The following NFATC3 variants were observed in gnomAD, a reference collection of about 807,000 sequenced individuals.
NFATC3 encodes the protein nuclear factor of activated T-cells, cytoplasmic 3.
NFATC3 carries 46 observed loss-of-function variants against 98.6 expected under a neutral mutation model. The ratio of observed to expected loss-of-function variants is 0.47; its 90% CI spans 0.37 to 0.60. The LOEUF is 0.60. Ranked by LOEUF, NFATC3 falls within the 20% of genes least tolerant of loss-of-function variation. The pLI is 0.00. For missense variants in NFATC3, 1,256 were observed against 1,295.5 expected (o/e 0.97, Z 0.47); for synonymous variants, 512 against 472.2 (o/e 1.08, Z -1.09).
At chr16:68,219,727 T>A (rs1421079511) in intron 9 of NFATC3, among the ~76,000 whole-genome samples, 1 of 152,040 alleles carries the variant, frequency 6.6e-6, no homozygotes, top group Non-Finnish European at 1.5e-5. Context: ...ATAAATGGAG[T>A]CTAAAAATAC....
At chr16:68,098,081 T>C (rs1483434943) in intron 1 of NFATC3, among the ~76,000 whole-genome samples, 1 of 152,090 alleles carries the variant, frequency 6.6e-6, no homozygotes, top group East Asian at 1.9e-4. Context: ...GTATGTATAG[T>C]ACAATTTATT....
chr16:68,174,017 T>C (rs1232747098), intron 5 of NFATC3, among the ~76,000 whole-genome samples: 2 of 151,964 alleles, frequency 1.3e-5, no homozygotes, highest in African/African-American at 2.4e-5. Context: ...CATGGTGTCA[T>C]GCATCTGTAA....
intron 6 of NFATC3, among the ~76,000 whole-genome samples, chr16:68,178,757 G>T (rs1366243889): frequency 6.6e-6 from 1 of 152,176 alleles, no homozygotes; most frequent in African/African-American, 2.4e-5. Context: ...AAATTCATCT[G>T]TGCATGAATA....
intron 9 of NFATC3, chr16:68,191,982 G>A: frequency 1.8e-6 from 1 of 541,070 alleles, no homozygotes; most frequent in African/African-American, 1.9e-5. Context: ...GCTGAGGCGG[G>A]TGGATCACAA....
intron 9 of NFATC3, among the ~76,000 whole-genome samples, chr16:68,203,005 A>G (rs1311301521): frequency 1.3e-5 from 2 of 152,164 alleles, no homozygotes; most frequent in Non-Finnish European, 2.9e-5. Context: ...TTTGGGAAGC[A>G]TACATGTACT....
rs1409429595 is a variant in NFATC3 at position 68,157,906 on chromosome 16, T to C, written c.1439T>C (p.Met480Thr). 1 of 1,613,646 alleles carries C rather than the reference T, an allele frequency of 6.2e-7. No homozygotes were observed. The change falls in exon 4 of 10, where the codon ATG (methionine) becomes ACG (threonine). Residue 480 changes from methionine (M) to threonine (T), a missense_variant. Physicochemically the swap from Met to Thr is moderately conservative, Grantham distance 81 (BLOSUM62 -1). Coordinates refer to ENST00000346183, the MANE Select transcript of NFATC3 (RefSeq NM_173165.3). ...AACGAAAAGCCAATAAATCTACAAA[T>C]GTTTATTGGGACAGCAGATGATCGA... ...GYNEKPINLQ[M>T]FIGTADDRYL...
intron 4 of NFATC3, among the ~76,000 whole-genome samples, 186 bp from the exon 5 acceptor site, chr16:68,166,657 A>G (rs551453390): frequency 6.6e-6 from 1 of 152,258 alleles, no homozygotes; most frequent in Non-Finnish European, 1.5e-5. Flanking sequence ...TTGCACTTTT[A>G]TCGTACAAAA....
chr16:68,107,675 A>G (rs1009551203), intron 1 of NFATC3, among the ~76,000 whole-genome samples: 5 of 152,142 alleles, frequency 3.3e-5, no homozygotes, highest in Non-Finnish European at 7.4e-5. Context: ...GTGAGCCGAG[A>G]TCATGCCACT....
chr16:68,229,111 T>G lies in NFATC3; in HGVS notation c.*2640T>G, dbSNP rs1183344449. ...TGGTTCTCAGTTATGTTTACAGCAC[T>G]TGGAATTGTGTGTTCTTGTACATTT... On this transcript the variant is annotated 3_prime_UTR_variant, in exon 10 of 10. Coordinates refer to ENST00000346183, the MANE Select transcript of NFATC3 (RefSeq NM_173165.3). 6.6e-6 allele frequency: 1 copy of G among 152,268 alleles called. No homozygotes were observed. The highest frequency in any genetic ancestry group is 1.9e-4 in the East Asian group (1 of 5,206). The allele number at this position is 152,268 out of a possible 1,614,324, so 9.4% of individuals were successfully genotyped here.
chr16:68,177,757 C>T (rs943331025), intron 6 of NFATC3, among the ~76,000 whole-genome samples: 8 of 151,702 alleles, frequency 5.3e-5, no homozygotes, highest in Non-Finnish European at 7.4e-5. Context: ...ATGTTTATGT[C>T]TTCTCATCCT....
chr16:68,119,715 T>A (rs1200783546), intron 1 of NFATC3, among the ~76,000 whole-genome samples: 2 of 152,200 alleles, frequency 1.3e-5, no homozygotes, highest in Non-Finnish European at 2.9e-5. Context: ...CTTTGCCTCC[T>A]CTATATTTTT....
chr16:68,158,901 A>T (rs1165232384), intron 4 of NFATC3, among the ~76,000 whole-genome samples: 1 of 152,220 alleles, frequency 6.6e-6, no homozygotes, highest in Non-Finnish European at 1.5e-5. Context: ...TGTAAGGAAC[A>T]CATGGTTATG....
intron 1 of NFATC3, among the ~76,000 whole-genome samples, chr16:68,105,097 T>G (rs923885994): frequency 1.5e-4 from 22 of 150,910 alleles, no homozygotes; most frequent in African/African-American, 4.9e-4. Context: ...GTGGGTTTTT[T>G]TTTTTTTTTT....
At chr16:68,157,097 T>A (rs2038656612) in intron 3 of NFATC3, among the ~76,000 whole-genome samples, 1 of 151,738 alleles carries the variant, frequency 6.6e-6, no homozygotes. Flanking sequence ...CTTTCACTAC[T>A]GCGATTCAGC....
At chr16:68,108,397 T>A (rs559761747) in intron 1 of NFATC3, among the ~76,000 whole-genome samples, 2 of 152,214 alleles carry the variant, frequency 1.3e-5, no homozygotes, top group East Asian at 3.9e-4. Flanking sequence ...ACATGTGTGG[T>A]CTTATTTCTG....
At chr16:68,162,368 G>C (rs1027645396) in intron 4 of NFATC3, among the ~76,000 whole-genome samples, 6 of 152,152 alleles carry the variant, frequency 3.9e-5, no homozygotes, top group Admixed American at 6.6e-5. Flanking sequence ...ATATTATTCA[G>C]TACAGTGGTT....
At chr16:68,089,363 T>G (rs1252378505) in intron 1 of NFATC3, 1 of 854,972 alleles carries the variant, frequency 1.2e-6, no homozygotes, top group Non-Finnish European at 1.4e-6. Flanking sequence ...TTTTTAAGAC[T>G]ACTGTTTGCG....
chr16:68,115,513 C>G (rs2036228011), intron 1 of NFATC3, among the ~76,000 whole-genome samples: 1 of 152,046 alleles, frequency 6.6e-6, no homozygotes, highest in Non-Finnish European at 1.5e-5. Context: ...CGACCTCCGC[C>G]TCCCGGGTTC....
chr16:68,184,473 G>C (rs1220119221), intron 8 of NFATC3, among the ~76,000 whole-genome samples: 1 of 152,098 alleles, frequency 6.6e-6, no homozygotes. Context: ...AAGTTTGGGT[G>C]ATTTCACAGT....
Sources: gnomAD v4.1 joint callset for allele counts (sites outside exome capture counted in the v4.1 genomes callset) on GRCh38, gnomAD v4.1.1 for gene constraint, MANE v1.5 for transcripts, NCBI Gene and HGNC (gene_info 2026-07-23, HGNC 2026-07-21) for gene names.